The following FGFR2 variants were observed in gnomAD, a reference collection of about 807,000 sequenced individuals.
FGFR2 encodes fibroblast growth factor receptor 2.
FGFR2 carries 19 observed loss-of-function variants against 95.9 expected under a neutral mutation model. That is an observed-to-expected ratio of 0.20 (90% CI 0.14 to 0.29). The LOEUF is 0.29. Among genes scored for constraint, FGFR2 ranks in the 10% least tolerant of loss-of-function variants. The probability of loss-of-function intolerance (pLI) is 1.00; values close to 1 mark genes in which losing one functional copy is unlikely to be tolerated. For missense variants in FGFR2, 707 were observed against 1,056.9 expected, an observed-to-expected ratio of 0.67 and a Z score of 4.59; for synonymous variants, 392 against 393.3, an observed-to-expected ratio of 1.00 and a Z score of 0.04.
chr10:121,538,962 T>C (rs553420878), intron 5 of FGFR2, among the ~76,000 whole-genome samples: 2 of 152,338 alleles, frequency 1.3e-5, no homozygotes, highest in Admixed American at 6.5e-5. Context: ...GTGTACAGCG[T>C]GGGTCTGTTA....
intron 13 of FGFR2, among the ~76,000 whole-genome samples, chr10:121,496,011 G>A (rs1846750186): frequency 6.6e-6 from 1 of 152,166 alleles, no homozygotes. Flanking sequence ...ACCACAGAGG[G>A]TCACCCGCCA....
At chr10:121,594,339 G>T (rs1333181273) in intron 1 of FGFR2, among the ~76,000 whole-genome samples, 1 of 152,176 alleles carries the variant, frequency 6.6e-6, no homozygotes, top group South Asian at 2.1e-4. Context: ...AACTACAAAA[G>T]CAAGTTAAAA....
intron 4 of FGFR2, among the ~76,000 whole-genome samples, chr10:121,562,948 A>C (rs189100580): frequency 3.3e-5 from 5 of 152,350 alleles, no homozygotes; most frequent in African/African-American, 1.2e-4. Flanking sequence ...TGCTCGAAAA[A>C]ATAAAGTATT....
intron 2 of FGFR2, among the ~76,000 whole-genome samples, chr10:121,575,066 G>C (rs1031599496): frequency 1.3e-5 from 2 of 152,230 alleles, no homozygotes; most frequent in Admixed American, 6.5e-5. Flanking sequence ...ACTGGCTCAT[G>C]TTCCTAGTCA....
intron 2 of FGFR2, among the ~76,000 whole-genome samples, chr10:121,591,013 T>A (rs3036017): frequency 0.015 from 1,662 of 109,474 alleles, 33 homozygotes; most frequent in East Asian, 0.066. Context: ...ACACGCACAC[T>A]CTCTCTCTCT....
chr10:121,559,791 ATGGGCGC>A (rs2135007448), intron 4 of FGFR2, among the ~76,000 whole-genome samples: 1 of 152,356 alleles, frequency 6.6e-6, no homozygotes, highest in South Asian at 2.1e-4. Flanking sequence ...GCCCTTCTGC[ATGGGCGC>A]TGGGCAGTTA....
At chr10:121,562,098 A>G (rs991633164) in intron 4 of FGFR2, among the ~76,000 whole-genome samples, 10 of 152,220 alleles carry the variant, frequency 6.6e-5, no homozygotes, top group African/African-American at 1.4e-4. Context: ...AAAATGGTGC[A>G]GCCACTTTGC....
Position 121,538,622 on chromosome 10 carries a change from T to C in FGFR2, c.718A>G (p.Ile240Val), listed in dbSNP as rs757276690. 1.2e-6 allele frequency: 2 copies of C among 1,614,184 alleles called. No individual in the cohort carries two copies. The highest frequency in any genetic ancestry group is 1.7e-6 in the Non-Finnish European group (2 of 1,180,034). The part of the protein sequence containing the change: ...TCVVENEYGS[I>V]NHTYHLDVVE... ...ACATCCAGGTGGTACGTGTGATTGA[T>C]GGACCCGTATTCATTCTCCACTACA... is the stretch of plus-strand genomic sequence containing the variant. Residue 240 changes from isoleucine (I) to valine (V), a missense_variant, in exon 6 of 18, where the codon ATC becomes GTC. This residue lies in a region of FGFR2 where 139 missense variants were observed against 278.1 expected (regional missense o/e 0.50). Coordinates refer to ENST00000358487, the MANE Select transcript of FGFR2 (RefSeq NM_000141.5).
At chr10:121,538,473 A>G in intron 6 of FGFR2, 119 bp downstream of exon 6, 1 of 1,385,180 alleles carries the variant, frequency 7.2e-7, no homozygotes, top group Admixed American at 1.7e-5. Flanking sequence ...AGAAAGAATA[A>G]GAATGAACCA....
At chr10:121,581,941 T>TTTTTAA (rs56153419) in intron 2 of FGFR2, among the ~76,000 whole-genome samples, 82 of 148,918 alleles carry the variant, frequency 5.5e-4, no homozygotes, top group African/African-American at 1.9e-3. Context: ...TGATTTTTTT[T>TTTTTAA]TTTATTTTTG....
At chr10:121,542,509 C>T (rs1256959525) in intron 5 of FGFR2, among the ~76,000 whole-genome samples, 1 of 152,174 alleles carries the variant, frequency 6.6e-6, no homozygotes, top group Non-Finnish European at 1.5e-5. Flanking sequence ...TCTGCACCAA[C>T]CAACACAAGC....
chr10:121,571,446 T>C (rs539620444), intron 2 of FGFR2, among the ~76,000 whole-genome samples: 1 of 151,858 alleles, frequency 6.6e-6, no homozygotes, highest in South Asian at 2.1e-4. Context: ...TACAGGTGCA[T>C]GCCATCACGC....
chr10:121,508,230 T>A (rs1420893265), intron 9 of FGFR2, among the ~76,000 whole-genome samples: 1 of 152,222 alleles, frequency 6.6e-6, no homozygotes, highest in Non-Finnish European at 1.5e-5. Context: ...AAAGGCTGAC[T>A]GCAGAAGATA....
chr10:121,503,667 C>T, intron 10 of FGFR2, 123 bp downstream of exon 10: 2 of 1,050,380 alleles, frequency 1.9e-6, no homozygotes, highest in Non-Finnish European at 2.9e-6. Flanking sequence ...TACAATCTTA[C>T]TCCTGCTGAC....
At chr10:121,487,624 C>T (rs1845591355) in intron 14 of FGFR2, among the ~76,000 whole-genome samples, 200 bp from the exon 15 acceptor site, 1 of 152,184 alleles carries the variant, frequency 6.6e-6, no homozygotes, top group African/African-American at 2.4e-5. Context: ...AATGCCATCT[C>T]CTTGGATTCT....
At chr10:121,508,575 T>C (rs1848621021) in intron 9 of FGFR2, among the ~76,000 whole-genome samples, 1 of 152,178 alleles carries the variant, frequency 6.6e-6, no homozygotes, top group East Asian at 1.9e-4. Flanking sequence ...TGTGACAGCT[T>C]TTCAAATGGA....
Position 121,518,342 on chromosome 10 carries a change from A to T in FGFR2, c.940-879T>A, listed in dbSNP as rs899557062. ...CTGATACTCAAATGCCCCGTATTAA[A>T]CAGGCATGGAAGCGTGTGTTTTAAA... On this transcript the variant is annotated intron_variant, in intron 7 of 17. Coordinates refer to ENST00000358487, the MANE Select transcript of FGFR2 (RefSeq NM_000141.5). This position sits in a 1 kb window ranked among gnomAD's most constrained non-coding sequence, Gnocchi z 4.0. Among the ~76,000 whole-genome samples, 10 of 152,214 alleles carry T rather than the reference A, an allele frequency of 6.6e-5. No individual in the cohort carries two copies. The highest frequency in any genetic ancestry group is 2.6e-4 in the Admixed American group (4 of 15,286).
At chr10:121,595,276 T>C (rs1017944976) in intron 1 of FGFR2, among the ~76,000 whole-genome samples, 3 of 152,224 alleles carry the variant, frequency 2.0e-5, no homozygotes, top group Admixed American at 1.3e-4. Flanking sequence ...TCATAAAAAC[T>C]GCTCCTTTTA....
intron 2 of FGFR2, among the ~76,000 whole-genome samples, chr10:121,579,053 A>G (rs1380347878): frequency 6.6e-6 from 1 of 152,154 alleles, no homozygotes; most frequent in Admixed American, 6.5e-5. Context: ...CAAGGATGAG[A>G]CTTTGAGACC....
Sources: allele counts gnomAD v4.1 joint callset (sites outside exome capture counted in the v4.1 genomes callset), GRCh38; gene constraint gnomAD v4.1.1; regional missense constraint gnomAD v4.1.1; non-coding constraint Gnocchi (gnomAD v3.1); transcripts MANE v1.5; gene names NCBI Gene and HGNC (gene_info 2026-07-23, HGNC 2026-07-21).